The following KLHDC4 variants were observed in gnomAD, a reference collection of about 807,000 sequenced individuals.
KLHDC4 encodes kelch domain containing 4.
In KLHDC4, 90 loss-of-function variants were observed where a neutral mutation model predicts 62.4. The observed-to-expected ratio is 1.44, with a 90% CI of 1.22 to 1.72. KLHDC4 has a LOEUF of 1.72. KLHDC4 is among the 40% of genes most tolerant of loss of function. The probability of loss-of-function intolerance (pLI) is 0.00; values close to 1 mark genes in which losing one functional copy is unlikely to be tolerated. For synonymous variants in KLHDC4, 386 were observed against 284.4 expected (o/e 1.36, Z -3.59); for missense variants, 1,025 against 699.7 (o/e 1.47, Z -5.25).
At chr16:87,764,236 A>C (rs765878941) in intron 1 of KLHDC4, among the ~76,000 whole-genome samples, 17 of 152,188 alleles carry the variant, frequency 1.1e-4, no homozygotes, top group Admixed American at 5.9e-4. Flanking sequence ...GTTTGTTTTG[A>C]GGGTTCATTC....
rs368401274 is a variant in KLHDC4 at position 87,748,786 on chromosome 16, G to A, written c.393C>T (p.Gly131=). The change falls in exon 5 of 12, where the codon GGC becomes GGT. Residue 131 remains glycine, a synonymous_variant. Coordinates refer to ENST00000270583, the MANE Select transcript of KLHDC4 (RefSeq NM_017566.4). The stretch of plus-strand genomic sequence containing the variant: ...CCCCTCCAAAGACCCACAGCTGTCC[G>A]CCACCTTGAGGCACTACCACCGCCT... ...AHQAVVVPQG[G]GQLWVFGGEF... 32 of 1,612,526 alleles carry A rather than the reference G, an allele frequency of 2.0e-5. No individual in the cohort carries two copies. Among genetic ancestry groups the A allele is most frequent in the Admixed American group, 3.3e-5 (2 of 59,738 alleles).
downstream of KLHDC4, among the ~76,000 whole-genome samples, chr16:87,704,322 T>C (rs2034395892): frequency 7.0e-6 from 1 of 142,958 alleles, no homozygotes; most frequent in South Asian, 2.2e-4. Context: ...AGGAGGCGCC[T>C]GGGGAGGGCC....
intron 9 of KLHDC4, chr16:87,710,873 G>A (rs2035660090): frequency 4.4e-6 from 1 of 228,788 alleles, no homozygotes; most frequent in Non-Finnish European, 8.8e-6. Flanking sequence ...CACGTGGACA[G>A]TAAAGATGGT....
chr16:87,746,915 C>T (rs993712311), intron 5 of KLHDC4, among the ~76,000 whole-genome samples: 3 of 152,226 alleles, frequency 2.0e-5, no homozygotes, highest in African/African-American at 7.2e-5. Context: ...ACAATCCAGA[C>T]CCAGGGCAGC....
intron 5 of KLHDC4, 119 bp downstream of exon 5, chr16:87,748,554 G>T: frequency 7.7e-7 from 1 of 1,303,256 alleles, no homozygotes; most frequent in Non-Finnish European, 1.1e-6. Context: ...TGGGCTCCAG[G>T]ACTGTGACCC....
chr16:87,708,930 G>A (rs1181722375), intron 10 of KLHDC4, among the ~76,000 whole-genome samples: 2 of 152,246 alleles, frequency 1.3e-5, no homozygotes, highest in Non-Finnish European at 2.9e-5. Context: ...CAGCAAGGCT[G>A]GAGGCTCAGA....
At chr16:87,729,980 G>C (rs1419204094) in intron 6 of KLHDC4, among the ~76,000 whole-genome samples, 1 of 152,064 alleles carries the variant, frequency 6.6e-6, no homozygotes, top group Non-Finnish European at 1.5e-5. Context: ...TTCAAACGAA[G>C]TCTCGCTTTG....
chr16:87,712,399 G>A (rs1324756117), intron 8 of KLHDC4, among the ~76,000 whole-genome samples: 1 of 152,248 alleles, frequency 6.6e-6, no homozygotes, highest in African/African-American at 2.4e-5. Context: ...ACATGACTGT[G>A]TGAAGGAACA....
chr16:87,751,044 T>C (rs1268029140), intron 4 of KLHDC4: 1 of 152,256 alleles, frequency 6.6e-6, no homozygotes, highest in African/African-American at 2.4e-5. Flanking sequence ...TGCCACACAG[T>C]AAATAGAGTT....
At chr16:87,750,331 G>GC (rs1480161026) in intron 4 of KLHDC4, 2 of 152,384 alleles carry the variant, frequency 1.3e-5, no homozygotes, top group Non-Finnish European at 2.9e-5. Flanking sequence ...CCTCAGTGCT[G>GC]CATCTCCACA....
rs1376013144 is a variant in KLHDC4 at position 87,749,207 on chromosome 16, C to T, written c.370-398G>A. ...CTGCCTGCTCTCGTTAATCCCTCTCCTTGCTATCATGTGCCAACTAAATTA... is the reference window on the plus strand; with the variant it reads ...CTGCCTGCTCTCGTTAATCCCTCTCTTTGCTATCATGTGCCAACTAAATTA... On this transcript the variant is annotated intron_variant, in intron 4 of 11. Coordinates refer to ENST00000270583, the MANE Select transcript of KLHDC4 (RefSeq NM_017566.4). 2.0e-5 allele frequency among the ~76,000 whole-genome samples: 3 copies of T among 151,958 alleles called. No individual in the cohort carries two copies. In the East Asian group the frequency reaches 5.8e-4, roughly 29 times the overall value.
intron 7 of KLHDC4, among the ~76,000 whole-genome samples, chr16:87,725,079 G>T (rs1415026530): frequency 2.4e-5 from 3 of 125,174 alleles, no homozygotes; most frequent in Admixed American, 2.3e-4. Flanking sequence ...AAAGAAGACT[G>T]GCCCCACACA....
At chr16:87,713,790 T>C (rs1322748238) in intron 8 of KLHDC4, among the ~76,000 whole-genome samples, 1 of 152,220 alleles carries the variant, frequency 6.6e-6, no homozygotes, top group Admixed American at 6.5e-5. Flanking sequence ...GGTCATCCCA[T>C]GTCATCCTTT....
At chr16:87,741,739 A>C (rs937993263) in intron 5 of KLHDC4, among the ~76,000 whole-genome samples, 1 of 152,066 alleles carries the variant, frequency 6.6e-6, no homozygotes, top group Non-Finnish European at 1.5e-5. Context: ...CTACAAGAAA[A>C]CCCTTAAAAG....
chr16:87,765,373 AAG>A (rs1387610689), intron 1 of KLHDC4: 1 of 465,100 alleles, frequency 2.2e-6, no homozygotes, highest in South Asian at 1.5e-5. Flanking sequence ...CAGAAAAGTT[AAG>A]AGTCTTACTC....
chr16:87,748,036 C>T (rs2081543042), intron 5 of KLHDC4, among the ~76,000 whole-genome samples: 1 of 152,246 alleles, frequency 6.6e-6, no homozygotes, highest in African/African-American at 2.4e-5. Context: ...TTCAGTCTGT[C>T]ATTCGACTAG....
chr16:87,756,147 A>T (rs2044850582), intron 3 of KLHDC4: 1 of 345,814 alleles, frequency 2.9e-6, no homozygotes, highest in Non-Finnish European at 5.5e-6. Flanking sequence ...TGCGCCCGCC[A>T]AGAGTGATGA....
At chr16:87,750,067 C>T (rs570476996) in intron 4 of KLHDC4, among the ~76,000 whole-genome samples, 1 of 152,270 alleles carries the variant, frequency 6.6e-6, no homozygotes, top group East Asian at 1.9e-4. Flanking sequence ...CCGGCTACTC[C>T]ACATGAGGCC....
At chr16:87,707,717 G>A (rs950072422), downstream of KLHDC4, 2 of 256,138 alleles carry the variant, frequency 7.8e-6, no homozygotes, top group Admixed American at 9.9e-5. Flanking sequence ...CCAGTGTGGG[G>A]TGGTCTCGCC....
Sources: allele counts gnomAD v4.1 joint callset (sites outside exome capture counted in the v4.1 genomes callset), GRCh38; gene constraint gnomAD v4.1.1; transcripts MANE v1.5; gene names NCBI Gene and HGNC (gene_info 2026-07-23, HGNC 2026-07-21).